The following WDR37 variants were observed in gnomAD, a reference collection of about 807,000 sequenced individuals.
The protein encoded by WDR37 is WD repeat domain 37.
Under a neutral mutation model 62.9 loss-of-function variants are expected in WDR37, and 19 were observed. The observed-to-expected ratio is 0.30, with a 90% CI of 0.21 to 0.44. The LOEUF is 0.44. Among genes scored for constraint, WDR37 ranks in the 20% least tolerant of loss-of-function variants. The pLI, the probability that WDR37 is intolerant of heterozygous loss-of-function variation, is 1.00. For missense variants in WDR37, 474 were observed against 657.6 expected (o/e 0.72, Z 3.05); for synonymous variants, 250 against 260.9 (o/e 0.96, Z 0.40).
intron 11 of WDR37, among the ~76,000 whole-genome samples, chr10:1,123,029 C>T (rs1232483605): frequency 6.6e-6 from 1 of 152,044 alleles, no homozygotes; most frequent in Non-Finnish European, 1.5e-5. Context: ...CTTTCTTCCC[C>T]CTCTCTTCTT....
chr10:1,118,367 C>G (rs865913400), intron 11 of WDR37, among the ~76,000 whole-genome samples: 6 of 148,802 alleles, frequency 4.0e-5, no homozygotes, highest in African/African-American at 1.5e-4. Flanking sequence ...CTGCACACAT[C>G]TGAGCCACGT....
chr10:1,057,195 C>G (rs528172088), intron 1 of WDR37, among the ~76,000 whole-genome samples: 5 of 151,612 alleles, frequency 3.3e-5, no homozygotes, highest in Non-Finnish European at 7.4e-5. Context: ...CAGAAGGGTT[C>G]AGGGTGCAAG....
chr10:1,071,670 A>G (rs1833732129), intron 1 of WDR37, among the ~76,000 whole-genome samples: 1 of 152,264 alleles, frequency 6.6e-6, no homozygotes, highest in Non-Finnish European at 1.5e-5. Flanking sequence ...GTAAATCATT[A>G]AAAGTAATTT....
rs1833183958 is a variant in WDR37, at chr10:1,056,733, TG to T, written c.-272del. 6.6e-6 allele frequency: 1 copy of T among 152,044 alleles called. No individual in the cohort carries two copies. Among genetic ancestry groups the T allele is most frequent in the African/African-American group, 2.4e-5 (1 of 41,356 alleles). The allele number at this position is 152,044 out of a possible 1,614,324, so 9.4% of individuals were successfully genotyped here. A position where few individuals can be genotyped will look rare whatever the true frequency, so the allele number is the denominator to read the frequency against. On this transcript the variant is annotated 5_prime_UTR_variant, in exon 1 of 14. Transcript: ENST00000263150. The stretch of plus-strand genomic sequence containing the variant: ...GCGTGACTTCCGGCGCCGCCGGGTG[TG>T]GGGCGGAGGTGTGGGGCGGCTTCCG...
At chr10:1,104,641 T>C (rs1466810302) in intron 10 of WDR37, among the ~76,000 whole-genome samples, 7 of 152,190 alleles carry the variant, frequency 4.6e-5, no homozygotes, top group African/African-American at 1.4e-4. Context: ...GGCTCTGCCC[T>C]AACTGAAGGG....
At chr10:1,097,260 G>C (rs1407945225) in intron 9 of WDR37, among the ~76,000 whole-genome samples, 1 of 152,204 alleles carries the variant, frequency 6.6e-6, no homozygotes, top group Non-Finnish European at 1.5e-5. Flanking sequence ...TGTCTGAACA[G>C]CCAGTTGACA....
In WDR37 at chr10:1,121,574, C is replaced by T. The variant is rs891059631; in HGVS notation, c.1104-2644C>T. Among the ~76,000 whole-genome samples the T allele has an allele frequency of 3.9e-5, 6 of 152,166 alleles. No homozygotes were observed. The highest frequency in any genetic ancestry group is 1.2e-4 in the African/African-American group (5 of 41,424). On this transcript the variant is annotated intron_variant, in intron 11 of 13. Transcript: ENST00000263150. The surrounding 1 kb of genome is among the most constrained non-coding windows in gnomAD (Gnocchi z 4.5). ...TGCTGCTCTCGTTACCCAGGCTGGG[C>T]GTTTGCTTGTGTCCTGCCCCGTGTG...
intron 11 of WDR37, among the ~76,000 whole-genome samples, chr10:1,112,525 C>G (rs183014768): frequency 1.3e-5 from 2 of 152,116 alleles, no homozygotes; most frequent in African/African-American, 4.8e-5. Flanking sequence ...CTGGAAATGA[C>G]GAAGCTTAGT....
chr10:1,068,403 G>T (rs1020194098), intron 1 of WDR37, among the ~76,000 whole-genome samples: 1 of 149,900 alleles, frequency 6.7e-6, no homozygotes, highest in Non-Finnish European at 1.5e-5. Context: ...GTTGCAGTGA[G>T]CCGAGATTGA....
chr10:1,088,695 A>T (rs980218182), intron 7 of WDR37, among the ~76,000 whole-genome samples: 2 of 141,312 alleles, frequency 1.4e-5, no homozygotes, highest in African/African-American at 5.4e-5. Context: ...AAAAGAAATT[A>T]AAAAAAAAAA....
chr10:1,127,229 T>C (rs1835817960), intron 13 of WDR37, among the ~76,000 whole-genome samples: 1 of 152,266 alleles, frequency 6.6e-6, no homozygotes, highest in Non-Finnish European at 1.5e-5. Context: ...TGAATGGTTC[T>C]TCTTGGCCTT....
At chr10:1,100,182 C>T (rs1392313327) in intron 9 of WDR37, among the ~76,000 whole-genome samples, 1 of 152,138 alleles carries the variant, frequency 6.6e-6, no homozygotes, top group Non-Finnish European at 1.5e-5. Context: ...GGTGAGTGCA[C>T]TTCTCATATT....
chr10:1,126,278 C>A (rs367975254), intron 13 of WDR37, among the ~76,000 whole-genome samples: 9 of 151,892 alleles, frequency 5.9e-5, no homozygotes, highest in South Asian at 4.2e-4. Flanking sequence ...TGGTGGCGGG[C>A]GTCTGTAGTC....
Position 1,084,338 on chromosome 10 carries a change from C to T in WDR37, c.397-65C>T. The T allele has an allele frequency of 5.7e-6, 9 of 1,577,904 alleles. No individual in the cohort carries two copies. The Admixed American group carries it at 7.1e-5, about 12-fold the overall frequency. ...TTCCAAGACGTCTTTTTCGTTTTCT[C>T]TTTCTTGACTTAGAAAAATTTACTT... On this transcript the variant is annotated intron_variant, in intron 5 of 13. Coordinates refer to ENST00000263150, the MANE Select transcript of WDR37 (RefSeq NM_014023.4).
rs867917019 is a variant in WDR37 at position 1,108,749 on chromosome 10, C to G, written c.1103+3482C>G. Among the ~76,000 whole-genome samples the G allele has an allele frequency of 2.5e-3, 321 of 127,910 alleles. 13 individuals carry two copies. Among genetic ancestry groups the G allele is most frequent in the South Asian group, 5.6e-3 (21 of 3,756 alleles). 83.9% of individuals were successfully genotyped at this position (127,910 alleles called of 152,430 possible). Reference sequence around the variant, plus strand: ...TTTGGCTTCTGTGATGCCCCCCCCCCCCGTGGAACCTGCAGGGCCCTGAGT... The same window carrying G: ...TTTGGCTTCTGTGATGCCCCCCCCCGCCGTGGAACCTGCAGGGCCCTGAGT... On this transcript the variant is annotated intron_variant, in intron 11 of 13. Coordinates refer to ENST00000263150, the MANE Select transcript of WDR37 (RefSeq NM_014023.4).
rs895889597 is a variant in WDR37 at position 1,126,585 on chromosome 10, C to T, written c.1353+1561C>T. 1.3e-4 allele frequency among the ~76,000 whole-genome samples: 20 copies of T among 152,176 alleles called. 1 individual carries two copies. The highest frequency in any genetic ancestry group is 4.3e-4 in the African/African-American group (18 of 41,448). On this transcript the variant is annotated intron_variant, in intron 13 of 13. Transcript: ENST00000263150. ...CGAGGCCTCCTGTGGCTGCACAGGG[C>T]CACACGCCTGCCGGCAGCTTGGGTG... is the stretch of plus-strand genomic sequence containing the variant.
intron 9 of WDR37, among the ~76,000 whole-genome samples, chr10:1,101,354 C>G (rs138676554): frequency 3.7e-4 from 57 of 152,288 alleles, no homozygotes; most frequent in African/African-American, 1.2e-3. Context: ...TCATAGATGG[C>G]GTCTTCTCCT....
chr10:1,065,895 T>C (rs1481008285), intron 1 of WDR37, among the ~76,000 whole-genome samples: 1 of 129,544 alleles, frequency 7.7e-6, no homozygotes, highest in Non-Finnish European at 1.6e-5. Flanking sequence ...AAACTGTCCT[T>C]TTTTTTTTTA....
intron 13 of WDR37, among the ~76,000 whole-genome samples, chr10:1,126,924 T>G (rs1835807888): frequency 6.6e-6 from 1 of 152,190 alleles, no homozygotes; most frequent in African/African-American, 2.4e-5. Flanking sequence ...AAAAATTTCA[T>G]GAAATTAGAG....
Sources: allele counts gnomAD v4.1 joint callset (sites outside exome capture counted in the v4.1 genomes callset), GRCh38; gene constraint gnomAD v4.1.1; non-coding constraint Gnocchi (gnomAD v3.1); transcripts MANE v1.5; gene names NCBI Gene and HGNC (gene_info 2026-07-23, HGNC 2026-07-21).